Variants in ESRRG observed in about 807,000 individuals in gnomAD.
ESRRG encodes estrogen related receptor gamma, also known as estrogen-related receptor gamma.
In ESRRG, 13 loss-of-function variants were observed where a neutral mutation model predicts 44.0. The observed-to-expected ratio is 0.30, with a 90% CI of 0.19 to 0.47. The LOEUF is 0.47. Ranked by LOEUF, ESRRG falls within the 20% of genes least tolerant of loss-of-function variation. ESRRG has a pLI of 1.00. For missense variants in ESRRG, 395 were observed against 580.6 expected (o/e 0.68, Z 3.29); for synonymous variants, 215 against 214.6 (o/e 1.00, Z -0.02).
chr1:216,880,304 C>CAAAAAAAAAAAAAAAAAAAAAAAAA (rs11301281), intron 2 of ESRRG, among the ~76,000 whole-genome samples: 2 of 29,034 alleles, frequency 6.9e-5, no homozygotes, highest in Non-Finnish European at 1.1e-4. Flanking sequence ...GCCTCCCTCT[C>CAAAAAAAAAAAAAAAAAAAAAAAAA]AAAAAAAAAA....
intron 6 of ESRRG, among the ~76,000 whole-genome samples, chr1:216,515,402 G>T (rs1572054285): frequency 6.6e-6 from 1 of 152,000 alleles, no homozygotes; most frequent in East Asian, 1.9e-4. Flanking sequence ...AACACACTAA[G>T]TCAAACCTAT....
intron 1 of ESRRG, among the ~76,000 whole-genome samples, chr1:217,017,252 G>T (rs1051241426): frequency 6.6e-6 from 1 of 151,990 alleles, no homozygotes; most frequent in Non-Finnish European, 1.5e-5. Flanking sequence ...ACCCAGGGAG[G>T]GGGAAAATGC....
intron 5 of ESRRG, among the ~76,000 whole-genome samples, chr1:216,528,639 T>A (rs990306888): frequency 2.6e-5 from 4 of 152,142 alleles, no homozygotes; most frequent in African/African-American, 9.7e-5. Flanking sequence ...GTCTACTTTT[T>A]TAACGTAAAT....
chr1:216,865,731 A>G (rs1392634169), intron 2 of ESRRG, among the ~76,000 whole-genome samples: 1 of 152,340 alleles, frequency 6.6e-6, no homozygotes, highest in African/African-American at 2.4e-5. Context: ...ATGTTAAGAA[A>G]GTACTGAATT....
intron 1 of ESRRG, among the ~76,000 whole-genome samples, chr1:217,077,540 T>A (rs2091420282): frequency 6.6e-6 from 1 of 152,182 alleles, no homozygotes; most frequent in Non-Finnish European, 1.5e-5. Flanking sequence ...CTGACCTGAA[T>A]GTTCTTAGAA....
In ESRRG at chr1:216,914,823, G is replaced by A. The variant is rs951317961; in HGVS notation, c.-14+24759C>T. 1.7e-4 allele frequency among the ~76,000 whole-genome samples: 26 copies of A among 152,034 alleles called. 1 individual carries two copies. The highest frequency in any genetic ancestry group is 3.3e-4 in the Admixed American group (5 of 15,222). On this transcript the variant is annotated intron_variant, in intron 2 of 7. Transcript: ENST00000359162. Reference sequence around the variant, plus strand: ...TGGCCACCATAACCACTGTCTGGGCGGAGGACAGAGGGATTCAAAAGACAG... The same window carrying A: ...TGGCCACCATAACCACTGTCTGGGCAGAGGACAGAGGGATTCAAAAGACAG...
Position 216,898,114 on chromosome 1 carries a change from A to G in ESRRG, c.-14+41468T>C, listed in dbSNP as rs796854493. ...CCGGACCGTTGAGAAGTGCAGGGGG[A>G]AAAAATCAGAAAGATCTGATTTTAG... On this transcript the variant is annotated intron_variant, in intron 2 of 7. Transcript: ENST00000359162. 9.2e-5 allele frequency among the ~76,000 whole-genome samples: 14 copies of G among 152,322 alleles called. 1 individual carries two copies. Among genetic ancestry groups the G allele is most frequent in the African/African-American group, 2.9e-4 (12 of 41,568 alleles).
intron 2 of ESRRG, among the ~76,000 whole-genome samples, chr1:216,775,551 C>CTTTTTTTTTTTTT (rs71163765): frequency 9.4e-5 from 7 of 74,834 alleles, no homozygotes; most frequent in Admixed American, 1.4e-4. Flanking sequence ...AATGTCACAT[C>CTTTTTTTTTTTTT]TTTTTTTTTT....
intron 2 of ESRRG, among the ~76,000 whole-genome samples, chr1:216,739,282 C>T (rs1377015130): frequency 1.3e-5 from 2 of 151,358 alleles, no homozygotes; most frequent in African/African-American, 2.4e-5. Flanking sequence ...AAAAAAAGTT[C>T]CCCAGCTGTG....
chr1:216,609,065 T>G lies in ESRRG; in HGVS notation c.590-40967A>C, dbSNP rs2060284125. On this transcript the variant is annotated intron_variant, in intron 3 of 6. Coordinates refer to ENST00000408911, the MANE Select transcript of ESRRG (RefSeq NM_001438.4). ...ACAATCTCCAATGAAAACTAACACT[T>G]GGTAATGAATCTGTCAAAAATTAGT... 2.6e-5 allele frequency among the ~76,000 whole-genome samples: 4 copies of G among 152,324 alleles called. No individual in the cohort carries two copies. The South Asian group carries it at 8.3e-4, about 32-fold the overall frequency.
intron 2 of ESRRG, among the ~76,000 whole-genome samples, chr1:216,919,916 T>C (rs2061618416): frequency 6.6e-6 from 1 of 152,192 alleles, no homozygotes; most frequent in Non-Finnish European, 1.5e-5. Context: ...TTCTAATAAG[T>C]CTAAGACTGA....
At chr1:216,929,179 C>T (rs759187456) in intron 2 of ESRRG, among the ~76,000 whole-genome samples, 1 of 152,172 alleles carries the variant, frequency 6.6e-6, no homozygotes, top group Non-Finnish European at 1.5e-5. Flanking sequence ...GTTCAAGTCA[C>T]ACCTGATTGT....
intron 1 of ESRRG, among the ~76,000 whole-genome samples, chr1:217,079,530 C>G (rs976488760): frequency 1.3e-5 from 2 of 152,196 alleles, no homozygotes; most frequent in African/African-American, 4.8e-5. Flanking sequence ...TGAGAGTCCA[C>G]ATAATGTAAT....
chr1:216,905,144 A>T (rs1014087469), intron 2 of ESRRG, among the ~76,000 whole-genome samples: 2 of 152,144 alleles, frequency 1.3e-5, no homozygotes, highest in Non-Finnish European at 2.9e-5. Flanking sequence ...GACTTTCAAC[A>T]CACTGTCTGT....
At chr1:216,783,212 T>C (rs2147925948) in intron 2 of ESRRG, among the ~76,000 whole-genome samples, 1 of 152,102 alleles carries the variant, frequency 6.6e-6, no homozygotes, top group South Asian at 2.1e-4. Flanking sequence ...TCAACTACAT[T>C]ATAAATAGTT....
chr1:216,974,677 T>C (rs1578914566), intron 1 of ESRRG, among the ~76,000 whole-genome samples: 1 of 152,182 alleles, frequency 6.6e-6, no homozygotes, highest in African/African-American at 2.4e-5. Flanking sequence ...TCTGCTCTGC[T>C]GTTTCTTGAG....
At position 216,505,554 on chromosome 1, in the gene ESRRG, A is replaced by G. The variant is rs2041054676; in HGVS notation, c.*1385T>C. 1 of 152,584 alleles carries G rather than the reference A, an allele frequency of 6.6e-6. No individual in the cohort carries two copies. Among genetic ancestry groups the G allele is most frequent in the Non-Finnish European group, 1.5e-5 (1 of 68,034 alleles). The allele number at this position is 152,584 out of a possible 1,614,324, so 9.5% of individuals were successfully genotyped here. Reference sequence around the variant, plus strand: ...GTCTGTGACTTTGCAAACAGGCAGTATCACATTCCTAACCACCATGGCAGC... The same window carrying G: ...GTCTGTGACTTTGCAAACAGGCAGTGTCACATTCCTAACCACCATGGCAGC... On this transcript the variant is annotated 3_prime_UTR_variant, in exon 7 of 7. Coordinates refer to ENST00000408911, the MANE Select transcript of ESRRG (RefSeq NM_001438.4).
At chr1:216,865,626 G>A (rs989911422) in intron 2 of ESRRG, among the ~76,000 whole-genome samples, 2 of 152,132 alleles carry the variant, frequency 1.3e-5, no homozygotes, top group African/African-American at 2.4e-5. Flanking sequence ...CACTTGTTTA[G>A]CACTTGGAAC....
intron 3 of ESRRG, among the ~76,000 whole-genome samples, chr1:216,642,778 T>C (rs17671558): frequency 0.03 from 4,573 of 152,284 alleles, 90 homozygotes; most frequent in South Asian, 0.046. Flanking sequence ...CTTGGCAGCA[T>C]AATGATACTA....
Sources: gnomAD v4.1 joint callset for allele counts (sites outside exome capture counted in the v4.1 genomes callset) on GRCh38, gnomAD v4.1.1 for gene constraint, MANE v1.5 for transcripts, NCBI Gene and HGNC (gene_info 2026-07-23, HGNC 2026-07-21) for gene names.